The following ATP6V0A1 variants were observed in gnomAD, a reference collection of about 807,000 sequenced individuals.
The protein encoded by ATP6V0A1 is ATPase H+ transporting V0 subunit a1, also known as V-type proton ATPase 116 kDa subunit a 1.
ATP6V0A1 carries 43 observed loss-of-function variants against 105.4 expected under a neutral mutation model. That is an observed-to-expected ratio of 0.41 (90% CI 0.32 to 0.53). The LOEUF (loss-of-function observed/expected upper bound fraction) is 0.53, where lower values mean the gene tolerates loss of function less well. Ranked by LOEUF, ATP6V0A1 falls within the 20% of genes least tolerant of loss-of-function variation. The pLI is 0.30. For missense variants in ATP6V0A1, 676 were observed against 1,051.1 expected (o/e 0.64, Z 4.93); for synonymous variants, 362 against 372.8 (o/e 0.97, Z 0.33).
chr17:42,516,068 G>A (rs1308883495), intron 21 of ATP6V0A1, among the ~76,000 whole-genome samples: 3 of 152,120 alleles, frequency 2.0e-5, no homozygotes, highest in Non-Finnish European at 2.9e-5. Flanking sequence ...AAGCATAGGG[G>A]TCTGACTCAC....
At chr17:42,476,518 G>A (rs1048172995) in intron 5 of ATP6V0A1, among the ~76,000 whole-genome samples, 4 of 152,166 alleles carry the variant, frequency 2.6e-5, no homozygotes, top group Non-Finnish European at 5.9e-5. Flanking sequence ...CTAGTTTTTG[G>A]TCAAACAAGT....
chr17:42,467,876 A>T (rs912943302), intron 3 of ATP6V0A1, 134 bp from the exon 4 acceptor site: 3 of 228,854 alleles, frequency 1.3e-5, no homozygotes, highest in African/African-American at 4.7e-5. Flanking sequence ...TATATCTTTT[A>T]TATATATATA....
intron 4 of ATP6V0A1, among the ~76,000 whole-genome samples, chr17:42,469,141 C>G (rs1164844374): frequency 1.3e-5 from 2 of 152,128 alleles, no homozygotes; most frequent in African/African-American, 4.8e-5. Context: ...AGCTACCACA[C>G]CTGGCCTATC....
At chr17:42,507,486 A>G (rs749320626) in intron 17 of ATP6V0A1, 34 bp from the exon 18 acceptor site, 5 of 1,506,088 alleles carry the variant, frequency 3.3e-6, no homozygotes, top group Non-Finnish European at 3.7e-6. Context: ...GTTAAAGCCC[A>G]GGCAAATTCT....
chr17:42,514,299 G>A lies in ATP6V0A1; in HGVS notation c.2259G>A (p.Glu753=), dbSNP rs763515061. 1.9e-6 allele frequency: 3 copies of A among 1,596,554 alleles called. No homozygotes were observed. The highest frequency in any genetic ancestry group is 3.5e-5 in the Admixed American group (2 of 57,208). ...ALSLAHAQLS[E]VLWTMVIHIG... ...TCTCCCATTCCCCAGAGCTGTCTGA[G>A]GTGCTTTGGACCATGGTGATCCACA... The change falls in exon 21 of 22, where the codon GAG becomes GAA. Residue 753 remains glutamate (E), a synonymous_variant. Transcript: ENST00000343619.
At chr17:42,475,418 T>A (rs2088598994) in intron 5 of ATP6V0A1, among the ~76,000 whole-genome samples, 1 of 152,228 alleles carries the variant, frequency 6.6e-6, no homozygotes, top group South Asian at 2.1e-4. Context: ...CCAGATACCC[T>A]TAAGACAAGC....
chr17:42,461,641 C>T (rs1484305079), intron 2 of ATP6V0A1, among the ~76,000 whole-genome samples: 3 of 152,100 alleles, frequency 2.0e-5, no homozygotes, highest in African/African-American at 7.2e-5. Context: ...CATGGTGGCG[C>T]AGGCCTGTAA....
intron 18 of ATP6V0A1, among the ~76,000 whole-genome samples, chr17:42,508,321 A>G (rs960525462): frequency 2.0e-5 from 3 of 152,252 alleles, no homozygotes; most frequent in Non-Finnish European, 4.4e-5. Context: ...CTGTCTGACC[A>G]CTTTCACTAT....
intron 7 of ATP6V0A1, chr17:42,478,828 C>G (rs2089128395): frequency 4.3e-6 from 1 of 232,516 alleles, no homozygotes. Context: ...AGATGTTATT[C>G]TGATTGGAAA....
chr17:42,469,965 G>A (rs2087666458), intron 4 of ATP6V0A1, 125 bp from the exon 5 acceptor site: 7 of 996,872 alleles, frequency 7.0e-6, no homozygotes, highest in Non-Finnish European at 1.0e-5. Context: ...CACAGTATTT[G>A]CTAGGCAAGT....
chr17:42,517,871 CT>C (rs2146353849), intron 21 of ATP6V0A1: 1 of 152,390 alleles, frequency 6.6e-6, no homozygotes, highest in South Asian at 2.1e-4. Flanking sequence ...TATACAAGTT[CT>C]GGTCTCCTCA....
chr17:42,473,331 C>T (rs1425162470), intron 5 of ATP6V0A1, among the ~76,000 whole-genome samples: 4 of 152,254 alleles, frequency 2.6e-5, no homozygotes, highest in East Asian at 1.9e-4. Flanking sequence ...ACTGCCCAGA[C>T]GTTATTGTAT....
At position 42,491,141 on chromosome 17, in the gene ATP6V0A1, C is replaced by T. The variant is rs377588952; in HGVS notation, c.1174+504C>T. 2.5e-4 allele frequency among the ~76,000 whole-genome samples: 38 copies of T among 152,158 alleles called. No individual in the cohort carries two copies. In the East Asian group the frequency reaches 2.5e-3, roughly 10 times the overall value. On this transcript the variant is annotated intron_variant, in intron 11 of 21. Transcript: ENST00000343619. The stretch of plus-strand genomic sequence containing the variant: ...CCCAAGCTAGTCTTGGACTCCTGGG[C>T]TCAAGGAAGCCTCCTGCTTCAGCCT...
Position 42,499,050 on chromosome 17 carries a change from G to T in ATP6V0A1, c.1679+8G>T. ...GAGTCTGTTCAACCATATGTGAGTT[G>T]TTCCATTTCTGTCATAAGAATGTGC... On this transcript the variant is annotated splice_region_variant and intron_variant, in intron 15 of 21. Coordinates refer to ENST00000343619, the MANE Select transcript of ATP6V0A1 (RefSeq NM_001130021.3). The T allele has an allele frequency of 6.4e-7, 1 of 1,559,414 alleles. No homozygotes were observed. The highest frequency in any genetic ancestry group is 8.8e-7 in the Non-Finnish European group (1 of 1,133,130).
chr17:42,482,566 A>T (rs960276919), intron 8 of ATP6V0A1, among the ~76,000 whole-genome samples: 1 of 151,704 alleles, frequency 6.6e-6, no homozygotes, highest in African/African-American at 2.4e-5. Context: ...GATAGTTCGG[A>T]TGCTATAATT....
chr17:42,514,997 G>A (rs996236834), intron 21 of ATP6V0A1, among the ~76,000 whole-genome samples: 1 of 152,006 alleles, frequency 6.6e-6, no homozygotes, highest in African/African-American at 2.4e-5. Context: ...GTACACTCAC[G>A]CAGCTTCTTC....
intron 17 of ATP6V0A1, among the ~76,000 whole-genome samples, chr17:42,504,650 A>C (rs1458196167): frequency 3.3e-5 from 5 of 152,162 alleles, no homozygotes; most frequent in Non-Finnish European, 5.9e-5. Flanking sequence ...GTAGACTTTG[A>C]ATTTGTTTCT....
chr17:42,520,478 G>T (rs1203720461), intron 21 of ATP6V0A1: 1 of 456,630 alleles, frequency 2.2e-6, no homozygotes, highest in Admixed American at 2.3e-5. Flanking sequence ...TGTGGTTGGA[G>T]AATATTTTTG....
chr17:42,498,748 C>G (rs1002949227), intron 14 of ATP6V0A1, among the ~76,000 whole-genome samples, 176 bp from the exon 15 acceptor site: 1 of 152,128 alleles, frequency 6.6e-6, no homozygotes, highest in African/African-American at 2.4e-5. Flanking sequence ...ATGGCGTGAA[C>G]CCGGAAGGCA....
Sources: allele counts gnomAD v4.1 joint callset (sites outside exome capture counted in the v4.1 genomes callset), GRCh38; gene constraint gnomAD v4.1.1; transcripts MANE v1.5; gene names NCBI Gene and HGNC (gene_info 2026-07-23, HGNC 2026-07-21).